Variants in MIA2 observed in about 807,000 individuals in gnomAD.
MIA2 encodes the protein melanoma inhibitory activity protein 2.
MIA2 carries 127 observed loss-of-function variants against 167.8 expected under a neutral mutation model. The ratio of observed to expected loss-of-function variants is 0.76; its 90% CI spans 0.66 to 0.88. The LOEUF is 0.88. MIA2 is among the 40% of genes least tolerant of loss of function. MIA2 has a pLI of 0.00. For synonymous variants in MIA2, 552 were observed against 541.9 expected, an observed-to-expected ratio of 1.02 and a Z score of -0.26; for missense variants, 1,690 against 1,624.7, an observed-to-expected ratio of 1.04 and a Z score of -0.69.
rs771453708 is a variant in MIA2, at chr14:39,277,002, G to C, written c.1956G>C (p.Val652=). The C allele has an allele frequency of 1.9e-6, 3 of 1,613,986 alleles. No individual in the cohort carries two copies. In the South Asian group the frequency reaches 3.3e-5, roughly 18 times the overall value. The change falls in exon 7 of 29, where the codon GTG becomes GTC. Residue 652 remains valine (V), a synonymous_variant. Transcript: ENST00000640607. ...TTTATGGTTTTCCATGGGAATTGGT[G>C]ATATGTGCAGCTGTTGTTGGATTTT... is the stretch of plus-strand genomic sequence containing the variant. ...SNLYGFPWEL[V]ICAAVVGFFA...
Position 39,234,167 on chromosome 14 carries a change from A to G in MIA2, c.53A>G (p.Lys18Arg). The G allele has an allele frequency of 2.5e-6, 4 of 1,609,584 alleles. No homozygotes were observed. The highest frequency in any genetic ancestry group is 3.4e-6 in the Non-Finnish European group (4 of 1,178,356). ...RILLLAISLT[K>R]CLESTKLLAD... ...CTTCTTCTGGCTATTTCTCTGACAA[A>G]GTGTCTGGAGAGTACAAAACTGCTG... The change falls in exon 1 of 29, where the codon AAG (lysine) becomes AGG (arginine). Residue 18 changes from lysine (K) to arginine (R), a missense_variant. Lys to Arg is a conservative substitution (Grantham distance 26, BLOSUM62 2). Coordinates refer to ENST00000640607, the MANE Select transcript of MIA2 (RefSeq NM_001329214.4).
intron 25 of MIA2, among the ~76,000 whole-genome samples, chr14:39,342,869 T>C (rs937460460): frequency 5.3e-5 from 8 of 152,186 alleles, no homozygotes; most frequent in African/African-American, 1.9e-4. Context: ...ATTAAAGTTC[T>C]GTTTTATCAG....
chr14:39,355,560 A>G (rs1385477390), downstream of MIA2, among the ~76,000 whole-genome samples: 1 of 152,068 alleles, frequency 6.6e-6, no homozygotes, highest in Non-Finnish European at 1.5e-5. Flanking sequence ...CTCCTGCCTG[A>G]TTGCCCTGGC....
At chr14:39,281,408 ATCT>A (rs1244464555) in intron 9 of MIA2, among the ~76,000 whole-genome samples, 3 of 152,132 alleles carry the variant, frequency 2.0e-5, no homozygotes, top group East Asian at 3.9e-4. Context: ...TCTAGACATA[ATCT>A]TCTTTAACTT....
chr14:39,237,155 C>A (rs949792463), intron 2 of MIA2, 100 bp downstream of exon 2: 9 of 1,334,700 alleles, frequency 6.7e-6, no homozygotes, highest in Non-Finnish European at 1.0e-6. Flanking sequence ...GGGCCTGGCT[C>A]TGTCGCCCAG....
chr14:39,319,227 T>C lies in MIA2; in HGVS notation c.3303T>C (p.Leu1101=). ...HNRQKLTETE[L]KFELLEKDPY... ...TTTGCAGATTAACTGAAACAGAGCT[T>C]AAATTTGAACTTTTAGAAAAAGATC... Residue 1101 remains leucine (L), a synonymous_variant, in exon 23 of 29, where the codon CTT becomes CTC. Transcript: ENST00000640607. The C allele has an allele frequency of 6.4e-7, 1 of 1,574,046 alleles. No homozygotes were observed.
chr14:39,250,486 A>G (rs1218306490), intron 4 of MIA2, among the ~76,000 whole-genome samples: 1 of 151,982 alleles, frequency 6.6e-6, no homozygotes, highest in East Asian at 1.9e-4. Flanking sequence ...ACTTGAAGTC[A>G]GGAGTTTGAG....
intron 18 of MIA2, among the ~76,000 whole-genome samples, chr14:39,311,602 C>G (rs1383752434): frequency 6.6e-6 from 1 of 150,950 alleles, no homozygotes; most frequent in Non-Finnish European, 1.5e-5. Context: ...CTCAGCCTCC[C>G]GAGTAGCTGG....
intron 3 of MIA2, among the ~76,000 whole-genome samples, chr14:39,244,598 C>T (rs1294579474): frequency 2.0e-5 from 3 of 152,114 alleles, no homozygotes; most frequent in Non-Finnish European, 4.4e-5. Flanking sequence ...ACTTTATTCT[C>T]ATTTCCTAAT....
chr14:39,294,203 T>A (rs2061105925), intron 12 of MIA2, 132 bp downstream of exon 12: 1 of 577,482 alleles, frequency 1.7e-6, no homozygotes, highest in Non-Finnish European at 3.0e-6. Flanking sequence ...TTTTTTTTTT[T>A]AACAATACCT....
At chr14:39,267,246 G>C in intron 6 of MIA2, 2 of 1,406,416 alleles carry the variant, frequency 1.4e-6, no homozygotes, top group Non-Finnish European at 1.8e-6. Context: ...GGGATGTAAA[G>C]TATAACAAGA....
At chr14:39,287,564 A>G (rs1279454211) in intron 9 of MIA2, among the ~76,000 whole-genome samples, 1 of 150,852 alleles carries the variant, frequency 6.6e-6, no homozygotes, top group Non-Finnish European at 1.5e-5. Context: ...TTTATTATTT[A>G]TTATTTATTT....
intron 13 of MIA2, among the ~76,000 whole-genome samples, chr14:39,299,606 A>G (rs1268339803): frequency 1.3e-5 from 2 of 152,162 alleles, no homozygotes; most frequent in Non-Finnish European, 2.9e-5. Flanking sequence ...AAGGTATGAT[A>G]TTTTATATGG....
intron 6 of MIA2, among the ~76,000 whole-genome samples, chr14:39,263,202 T>A (rs1000240093): frequency 3.3e-5 from 5 of 152,164 alleles, no homozygotes; most frequent in African/African-American, 1.2e-4. Context: ...CAATACCTAG[T>A]TTATTGAGAG....
chr14:39,249,537 C>CA (rs56249977), intron 4 of MIA2, among the ~76,000 whole-genome samples: 114 of 139,658 alleles, frequency 8.2e-4, no homozygotes, highest in Middle Eastern at 3.6e-3. Context: ...AAAACTCAAG[C>CA]AAAAAAAAAA....
In MIA2 at chr14:39,332,249, G is replaced by T. The variant is rs185402623; in HGVS notation, c.3655+5227G>T. ...GATCAATTTGGCTATATTGATACTT[G>T]TGTATGCTTCATGAAGTTCTCGTGT... On this transcript the variant is annotated intron_variant, in intron 25 of 28. Coordinates refer to ENST00000640607, the MANE Select transcript of MIA2 (RefSeq NM_001329214.4). Among the ~76,000 whole-genome samples the T allele has an allele frequency of 1.6e-4, 24 of 152,162 alleles. No homozygotes were observed. The East Asian group carries it at 3.7e-3, about 23-fold the overall frequency.
intron 6 of MIA2, among the ~76,000 whole-genome samples, chr14:39,264,354 C>T (rs1488080653): frequency 6.6e-6 from 1 of 152,172 alleles, no homozygotes; most frequent in Non-Finnish European, 1.5e-5. Flanking sequence ...CGTTGATGGG[C>T]ACCTAGGGTG....
intron 13 of MIA2, among the ~76,000 whole-genome samples, chr14:39,295,606 C>A (rs1399636754): frequency 1.3e-5 from 2 of 152,044 alleles, no homozygotes; most frequent in African/African-American, 2.4e-5. Context: ...TGTTGCCAGG[C>A]TGGAGTGCAG....
At chr14:39,305,973 T>C (rs73277474) in intron 17 of MIA2, among the ~76,000 whole-genome samples, 2,905 of 151,866 alleles carry the variant, frequency 0.019, 104 homozygotes, top group African/African-American at 0.067. Context: ...TATTAAATAA[T>C]TAAGTGTTGG....
Sources: gnomAD v4.1 joint callset for allele counts (sites outside exome capture counted in the v4.1 genomes callset) on GRCh38, gnomAD v4.1.1 for gene constraint, MANE v1.5 for transcripts, NCBI Gene and HGNC (gene_info 2026-07-23, HGNC 2026-07-21) for gene names.